The following EEF2 variants were observed in gnomAD, a reference collection of about 807,000 sequenced individuals.
EEF2 encodes the protein elongation factor 2.
A neutral mutation model predicts 85.3 loss-of-function variants in EEF2; 21 were observed. The ratio of observed to expected loss-of-function variants is 0.25; its 90% CI spans 0.17 to 0.35. The LOEUF (loss-of-function observed/expected upper bound fraction) is 0.35, where lower values mean the gene tolerates loss of function less well. EEF2 is among the 10% of genes least tolerant of loss of function. The probability of loss-of-function intolerance (pLI) is 1.00; values close to 1 mark genes in which losing one functional copy is unlikely to be tolerated. For synonymous variants in EEF2, 723 were observed against 508.8 expected, an observed-to-expected ratio of 1.42 and a Z score of -5.67; for missense variants, 825 against 1,225.3, an observed-to-expected ratio of 0.67 and a Z score of 4.88.
intron 9 of EEF2, among the ~76,000 whole-genome samples, chr19:3,980,277 C>T (rs979953030): frequency 5.9e-5 from 9 of 152,234 alleles, no homozygotes; most frequent in Non-Finnish European, 1.3e-4. Flanking sequence ...GGTCGACGGC[C>T]GCCACCCACC....
chr19:3,982,679 C>T, intron 4 of EEF2, 128 bp downstream of exon 4: 1 of 1,179,688 alleles, frequency 8.5e-7, no homozygotes, highest in South Asian at 1.4e-5. Flanking sequence ...CATTCCAGCC[C>T]CCTTCTCTGT....
chr19:3,978,264 A>G, intron 11 of EEF2, 92 bp from the exon 12 acceptor site: 1 of 1,146,338 alleles, frequency 8.7e-7, no homozygotes, highest in Non-Finnish European at 1.2e-6. Flanking sequence ...AGCAAGGCGG[A>G]CCTCATACAG....
Position 3,982,292 on chromosome 19 carries a change from G to A in EEF2, c.745C>T (p.Arg249Trp), listed in dbSNP as rs200792022. Residue 249 changes from arginine to tryptophan, a missense_variant, in exon 5 of 15, where the codon CGG (arginine) becomes TGG (tryptophan). Arg to Trp is a moderately radical substitution (Grantham distance 101). Coordinates refer to ENST00000309311, the MANE Select transcript of EEF2 (RefSeq NM_001961.4). Reference protein sequence around the residue: ...KGEGQLGPAERAKKVEDMMKK... With the variant: ...KGEGQLGPAEWAKKVEDMMKK... ...ATCATGTCCTCTACTTTCTTGGCCC[G>A]CTCGGCAGGCCCCAACTGGCCCTCC... is the stretch of plus-strand genomic sequence containing the variant. 8.7e-6 allele frequency: 14 copies of A among 1,614,000 alleles called. No homozygotes were observed. Among genetic ancestry groups the A allele is most frequent in the South Asian group, 6.6e-5 (6 of 91,092 alleles).
At chr19:3,984,391 A>C (rs879836715) in intron 1 of EEF2, 41 bp from the exon 2 acceptor site, 9 of 1,598,944 alleles carry the variant, frequency 5.6e-6, no homozygotes, top group Non-Finnish European at 7.7e-6. Context: ...CGTGATTTCC[A>C]GGAACACAGC....
rs1462202699 is a variant in EEF2, at chr19:3,977,715, C to A, written c.2067+104G>T. ...TCCACCAGGGGGACCTGGGGCCTTG[C>A]CCGCCTTGGCCCCATTAGGGTCTCT... is the stretch of plus-strand genomic sequence containing the variant. On this transcript the variant is annotated intron_variant, in intron 12 of 14. Transcript: ENST00000309311. The surrounding 1 kb of genome is among the most constrained non-coding windows in gnomAD (Gnocchi z 5.4). 1.2e-5 allele frequency: 18 copies of A among 1,479,570 alleles called. No individual in the cohort carries two copies. Among genetic ancestry groups the A allele is most frequent in the Non-Finnish European group, 1.5e-5 (17 of 1,117,914 alleles). 91.7% of individuals were successfully genotyped at this position (1,479,570 alleles called of 1,614,324 possible).
chr19:3,981,891 C>A, intron 6 of EEF2, 56 bp downstream of exon 6: 2 of 1,548,494 alleles, frequency 1.3e-6, no homozygotes, highest in Non-Finnish European at 1.8e-6. Context: ...CCGGAGCCCA[C>A]AGGGCCGAGG....
Position 3,984,258 on chromosome 19 carries a change from C to T in EEF2, c.96G>A (p.Lys32=). ...MSVIAHVDHG[K]STLTDSLVCK... Reference sequence around the variant, plus strand: ...ACACCAGGGAGTCTGTCAGCGTGGACTTGCCATGGTCCACGTGGGCGATGA... The same window carrying T: ...ACACCAGGGAGTCTGTCAGCGTGGATTTGCCATGGTCCACGTGGGCGATGA... The change falls in exon 2 of 15, where the codon AAG becomes AAA. Residue 32 remains lysine (K), a synonymous_variant. Transcript: ENST00000309311. The T allele has an allele frequency of 6.2e-7, 1 of 1,614,212 alleles. No individual in the cohort carries two copies. The highest frequency in any genetic ancestry group is 1.1e-5 in the South Asian group (1 of 91,092).
rs1260340196 is a variant in EEF2 at position 3,983,370 on chromosome 19, G to C, written c.219-79C>G. 16 of 1,466,784 alleles carry C rather than the reference G, an allele frequency of 1.1e-5. No homozygotes were observed. The African/African-American group carries it at 2.3e-4, about 21-fold the overall frequency. 90.9% of individuals were successfully genotyped at this position (1,466,784 alleles called of 1,614,324 possible). ...GAGTCTGGGATGCTGTCAGAAGCCA[G>C]GCTGCTCCTCCCTCCATGACTCATC... On this transcript the variant is annotated intron_variant, in intron 2 of 14. Transcript: ENST00000309311.
chr19:3,979,718 C>T, intron 10 of EEF2, 90 bp downstream of exon 10: 1 of 1,535,780 alleles, frequency 6.5e-7, no homozygotes, highest in Non-Finnish European at 8.8e-7. Context: ...CCCCAATCCA[C>T]CAACCACAGC....
Position 3,982,787 on chromosome 19 carries a change from C to T in EEF2, c.612+20G>A, listed in dbSNP as rs7253591. On this transcript the variant is annotated intron_variant, in intron 4 of 14. Transcript: ENST00000309311. ...GATCCCGCTGCGGCAAGCCCACCAC[C>T]CAGCTAGGGAGGGCCGTACCATGAT... is the stretch of plus-strand genomic sequence containing the variant. 29,308 of 1,600,414 alleles carry T rather than the reference C, an allele frequency of 0.018. 4,491 individuals carry two copies. The African/African-American group carries it at 0.34, about 19-fold the overall frequency.
At chr19:3,981,845 C>A in intron 6 of EEF2, 102 bp downstream of exon 6, 1 of 1,079,212 alleles carries the variant, frequency 9.3e-7, no homozygotes. Flanking sequence ...ATCTGCCCCA[C>A]AAGGAGACGG....
At chr19:3,979,699 G>A (rs2039721758) in intron 10 of EEF2, 109 bp downstream of exon 10, 2 of 1,487,294 alleles carry the variant, frequency 1.3e-6, no homozygotes, top group African/African-American at 2.8e-5. Context: ...CTCCTTTCAT[G>A]ACCAGTCACC....
At chr19:3,985,255 C>G in intron 1 of EEF2, 123 bp downstream of exon 1, 9 of 1,154,064 alleles carry the variant, frequency 7.8e-6, no homozygotes, top group Non-Finnish European at 1.0e-5. Flanking sequence ...CCCGGGTCCT[C>G]CGGCCCCGCC....
chr19:3,976,623 C>T lies in EEF2; in HGVS notation c.2508G>A (p.Ala836=), dbSNP rs761883790. 4.3e-6 allele frequency: 7 copies of T among 1,610,490 alleles called. No homozygotes were observed. The highest frequency in any genetic ancestry group is 1.1e-5 in the South Asian group (1 of 90,390). Residue 836 remains alanine, a synonymous_variant, in exon 15 of 15, where the codon GCG becomes GCA. Coordinates refer to ENST00000309311, the MANE Select transcript of EEF2 (RefSeq NM_001961.4). ...DNSSRPSQVV[A]ETRKRKGLKE... is the part of the protein sequence containing the mutation. ...TCAGGCCCTTGCGCTTGCGGGTCTC[C>T]GCCACCACCTGGCTGGGGCGGCTGC...
Position 3,976,299 on chromosome 19 carries a change from GCCTCCCCC to G in EEF2, c.*247_*254del. 1 of 219,902 alleles carries G rather than the reference GCCTCCCCC, an allele frequency of 4.5e-6. No individual in the cohort carries two copies. 13.6% of individuals were successfully genotyped at this position (219,902 alleles called of 1,614,324 possible). A position where few individuals can be genotyped will look rare whatever the true frequency, so the allele number is the denominator to read the frequency against. ...GAAAAAGTGTTGGGTGTCCCATCCC[GCCTCCCCC>G]TCCCCGACCGGCCCATTAAGTCCCT... On this transcript the variant is annotated 3_prime_UTR_variant, in exon 15 of 15. Transcript: ENST00000309311.
In EEF2 at chr19:3,976,765, A is replaced by G; in HGVS notation, c.2384-18T>C. ...GGTGAAGCCTGCAGAGGGAAGCGAG[A>G]GGCTCACTGGGCCATCGAGAAGGTG... is the stretch of plus-strand genomic sequence containing the variant. On this transcript the variant is annotated intron_variant, in intron 14 of 14. Coordinates refer to ENST00000309311, the MANE Select transcript of EEF2 (RefSeq NM_001961.4). The G allele has an allele frequency of 3.3e-6, 5 of 1,534,564 alleles. No individual in the cohort carries two copies. Among genetic ancestry groups the G allele is most frequent in the Non-Finnish European group, 4.4e-6 (5 of 1,147,014 alleles).
Position 3,983,285 on chromosome 19 carries a change from G to A in EEF2, c.225C>T (p.Ile75=). ...TCTCCGAGAGCTCGTAGAAGAGGGAGATGGCACTGATGGAGGGAGGGACTC... is the reference window on the plus strand; with the variant it reads ...TCTCCGAGAGCTCGTAGAAGAGGGAAATGGCACTGATGGAGGGAGGGACTC... ...ERCITIKSTA[I]SLFYELSEND... is the part of the protein sequence containing the mutation. Residue 75 remains isoleucine, a synonymous_variant, in exon 3 of 15, where the codon ATC becomes ATT. Coordinates refer to ENST00000309311, the MANE Select transcript of EEF2 (RefSeq NM_001961.4). 1 of 1,612,946 alleles carries A rather than the reference G, an allele frequency of 6.2e-7. No homozygotes were observed.
rs376212127 is a variant in EEF2 at position 3,976,516 on chromosome 19, C to T, written c.*38G>A. 5.7e-5 allele frequency: 90 copies of T among 1,565,724 alleles called. No homozygotes were observed. The Admixed American group carries it at 1.3e-3, about 22-fold the overall frequency. On this transcript the variant is annotated 3_prime_UTR_variant, in exon 15 of 15. Coordinates refer to ENST00000309311, the MANE Select transcript of EEF2 (RefSeq NM_001961.4). ...CGAGGACGTGGTGCTGTGGGTGCTG[C>T]GAGTCCCCGGGGCGGCAGGCGCTGC... is the stretch of plus-strand genomic sequence containing the variant.
chr19:3,978,329 C>T (rs1437933190), intron 11 of EEF2, among the ~76,000 whole-genome samples, 157 bp from the exon 12 acceptor site: 3 of 152,094 alleles, frequency 2.0e-5, no homozygotes, highest in African/African-American at 7.2e-5. Flanking sequence ...CAGTGCCAAG[C>T]GCATCTCACT....
Sources: gnomAD v4.1 joint callset for allele counts (sites outside exome capture counted in the v4.1 genomes callset) on GRCh38, gnomAD v4.1.1 for gene constraint, Gnocchi (gnomAD v3.1) non-coding constraint, MANE v1.5 for transcripts, NCBI Gene and HGNC (gene_info 2026-07-23, HGNC 2026-07-21) for gene names.